Variants in CTNNA1 observed in about 807,000 individuals in gnomAD.
CTNNA1 encodes catenin alpha 1.
Under a neutral mutation model 98.4 loss-of-function variants are expected in CTNNA1, and 37 were observed. That is an observed-to-expected ratio of 0.38 (90% CI 0.29 to 0.49). The LOEUF is 0.49. CTNNA1 is among the 20% of genes least tolerant of loss of function. The pLI, the probability that CTNNA1 is intolerant of heterozygous loss-of-function variation, is 0.95. For synonymous variants in CTNNA1, 404 were observed against 413.2 expected, an observed-to-expected ratio of 0.98 and a Z score of 0.27; for missense variants, 761 against 1,147.2, an observed-to-expected ratio of 0.66 and a Z score of 4.86.
chr5:138,915,479 G>A (rs1056336489), intron 10 of CTNNA1, among the ~76,000 whole-genome samples: 1 of 152,198 alleles, frequency 6.6e-6, no homozygotes, highest in Admixed American at 6.5e-5. Context: ...ACACTGGTGG[G>A]ATGTAAAATG....
intron 4 of CTNNA1, among the ~76,000 whole-genome samples, chr5:138,811,514 G>A (rs1329951037): frequency 6.9e-6 from 1 of 145,852 alleles, no homozygotes; most frequent in African/African-American, 2.5e-5. Flanking sequence ...CCCAGACAGG[G>A]TGGCGGCCGG....
intron 7 of CTNNA1, chr5:138,872,771 G>A (rs1023841077): frequency 7.5e-6 from 3 of 401,694 alleles, no homozygotes; most frequent in Non-Finnish European, 1.3e-5. Flanking sequence ...TTATTTTGAA[G>A]TAAGCATTTT....
At chr5:138,800,068 A>G (rs1354715883) in intron 3 of CTNNA1, among the ~76,000 whole-genome samples, 1 of 151,804 alleles carries the variant, frequency 6.6e-6, no homozygotes, top group Non-Finnish European at 1.5e-5. Flanking sequence ...AGCTAAATTT[A>G]GTATTTTTAG....
intron 1 of CTNNA1, among the ~76,000 whole-genome samples, chr5:138,772,900 ATAGATAGATGAAAAGAG>A (rs1209546246): frequency 7.7e-6 from 1 of 130,656 alleles, no homozygotes; most frequent in African/African-American, 2.9e-5. Context: ...CTTTCATTTT[ATAGATAGATGAAAAGAG>A]CACCAGAATT....
intron 10 of CTNNA1, among the ~76,000 whole-genome samples, chr5:138,910,057 T>C (rs1046951278): frequency 1.3e-5 from 2 of 152,170 alleles, no homozygotes; most frequent in Non-Finnish European, 2.9e-5. Flanking sequence ...TAAAAGTTTC[T>C]CTGAGCATTT....
intron 2 of CTNNA1, chr5:138,782,539 CAG>C (rs538613821): frequency 7.5e-3 from 1,742 of 233,284 alleles, no homozygotes; most frequent in South Asian, 0.016. Context: ...GTGAGAGATT[CAG>C]AGAGAGAGAG....
intron 1 of CTNNA1, among the ~76,000 whole-genome samples, chr5:138,774,952 A>G (rs573230445): frequency 1.3e-5 from 2 of 152,254 alleles, no homozygotes; most frequent in South Asian, 4.1e-4. Context: ...AATTATTTGT[A>G]CTCCAAAGTA....
chr5:138,926,302 T>C (rs1271059571), intron 13 of CTNNA1, among the ~76,000 whole-genome samples: 1 of 152,206 alleles, frequency 6.6e-6, no homozygotes, highest in Non-Finnish European at 1.5e-5. Context: ...CATAGTTGAA[T>C]ATACTCACTC....
Position 138,934,336 on chromosome 5 carries a change from C to CAA in CTNNA1, c.*249_*250dup, listed in dbSNP as rs1554119142. ...TTAAATAAAAATAAAAATTCATAAC[C>CAA]AAAGAGAATCCCACATTAGCTTGTT... On this transcript the variant is annotated 3_prime_UTR_variant, in exon 18 of 18. Coordinates refer to ENST00000302763, the MANE Select transcript of CTNNA1 (RefSeq NM_001903.5). The CAA allele has an allele frequency of 1.2e-5, 6 of 484,572 alleles. No individual in the cohort carries two copies. Among genetic ancestry groups the CAA allele is most frequent in the African/African-American group, 9.8e-5 (5 of 51,174 alleles). The allele number at this position is 484,572 out of a possible 1,614,324, so 30.0% of individuals were successfully genotyped here.
chr5:138,772,714 T>A (rs1753677844), intron 1 of CTNNA1, among the ~76,000 whole-genome samples: 1 of 152,204 alleles, frequency 6.6e-6, no homozygotes, highest in African/African-American at 2.4e-5. Flanking sequence ...CTGAGAAAAT[T>A]AAGTTTAATA....
At chr5:138,776,309 A>G (rs1318309177) in intron 1 of CTNNA1, among the ~76,000 whole-genome samples, 2 of 151,786 alleles carry the variant, frequency 1.3e-5, no homozygotes, top group Non-Finnish European at 2.9e-5. Flanking sequence ...ACCTCAATCC[A>G]TTCAACCCTG....
intron 7 of CTNNA1, among the ~76,000 whole-genome samples, chr5:138,848,256 C>CAT (rs1762899882): frequency 6.6e-6 from 1 of 152,238 alleles, no homozygotes; most frequent in Non-Finnish European, 1.5e-5. Context: ...ATAATGGTGC[C>CAT]TATGCACCCA....
At chr5:138,913,058 CTTT>C (rs35292208) in intron 10 of CTNNA1, among the ~76,000 whole-genome samples, 90 of 146,280 alleles carry the variant, frequency 6.2e-4, no homozygotes, top group African/African-American at 1.8e-3. Context: ...ACTGAAGTGA[CTTT>C]TTTTTTTTTA....
chr5:138,811,691 G>A (rs1367682535), intron 4 of CTNNA1, among the ~76,000 whole-genome samples: 4 of 151,982 alleles, frequency 2.6e-5, no homozygotes, highest in South Asian at 2.1e-4. Context: ...CGAGGCTGGC[G>A]GATCACTCGC....
At chr5:138,924,056 A>G (rs762692143) in intron 11 of CTNNA1, among the ~76,000 whole-genome samples, 7 of 152,224 alleles carry the variant, frequency 4.6e-5, no homozygotes, top group Non-Finnish European at 1.0e-4. Context: ...GCTTCTTGGT[A>G]GATTGTCTGA....
chr5:138,818,325 G>A (rs993278275), intron 5 of CTNNA1, among the ~76,000 whole-genome samples: 3 of 151,330 alleles, frequency 2.0e-5, no homozygotes, highest in African/African-American at 7.3e-5. Flanking sequence ...ACGTTGTCCA[G>A]GCTGGTCCCG....
intron 10 of CTNNA1, among the ~76,000 whole-genome samples, chr5:138,908,918 T>C (rs1214825087): frequency 6.6e-6 from 1 of 152,098 alleles, no homozygotes; most frequent in Non-Finnish European, 1.5e-5. Context: ...GTTTACAAAT[T>C]GGTTTGGGAA....
intron 1 of CTNNA1, among the ~76,000 whole-genome samples, chr5:138,772,212 C>T (rs943024678): frequency 6.6e-6 from 1 of 152,132 alleles, no homozygotes; most frequent in African/African-American, 2.4e-5. Context: ...CATCTCTGCC[C>T]CTTTCTGAAT....
intron 9 of CTNNA1, among the ~76,000 whole-genome samples, chr5:138,893,692 C>T (rs1488162952): frequency 1.3e-5 from 2 of 151,844 alleles, no homozygotes; most frequent in Non-Finnish European, 1.5e-5. Context: ...GGCGCAATCT[C>T]GGCTCACTGC....
Sources: gnomAD v4.1 joint callset for allele counts (sites outside exome capture counted in the v4.1 genomes callset) on GRCh38, gnomAD v4.1.1 for gene constraint, MANE v1.5 for transcripts, NCBI Gene and HGNC (gene_info 2026-07-23, HGNC 2026-07-21) for gene names.